The following AGBL1 variants were observed in gnomAD, a reference collection of about 807,000 sequenced individuals.
AGBL1 encodes the protein cytosolic carboxypeptidase 4.
Under a neutral mutation model 118.9 loss-of-function variants are expected in AGBL1, and 130 were observed. The observed-to-expected ratio is 1.09, with a 90% CI of 0.95 to 1.26. AGBL1 has a LOEUF of 1.26. Ranked by LOEUF, AGBL1 falls within the 50% of genes most tolerant of loss-of-function variation. The pLI is 0.00. For synonymous variants in AGBL1, 555 were observed against 478.9 expected (o/e 1.16, Z -2.08); for missense variants, 1,584 against 1,298.1 (o/e 1.22, Z -3.38).
chr15:86,318,696 ATTTTT>A (rs57988335), intron 17 of AGBL1, among the ~76,000 whole-genome samples: 36 of 81,980 alleles, frequency 4.4e-4, no homozygotes, highest in South Asian at 1.5e-3. Flanking sequence ...TTGATCATAG[ATTTTT>A]TTTTTTTTTT....
chr15:86,131,111 G>T (rs1319952324), intron 1 of AGBL1, among the ~76,000 whole-genome samples: 2 of 152,308 alleles, frequency 1.3e-5, no homozygotes, highest in South Asian at 2.1e-4. Context: ...ATGGTAGTCA[G>T]TCCTCTTACA....
intron 18 of AGBL1, among the ~76,000 whole-genome samples, chr15:86,403,998 C>A (rs2081486740): frequency 6.6e-6 from 1 of 152,162 alleles, no homozygotes; most frequent in Admixed American, 6.5e-5. Flanking sequence ...ACACACACAT[C>A]CATGCCCAAG....
chr15:86,452,727 T>TCCTGCTGC (rs1462577173), intron 18 of AGBL1, among the ~76,000 whole-genome samples: 1 of 152,156 alleles, frequency 6.6e-6, no homozygotes, highest in Non-Finnish European at 1.5e-5. Flanking sequence ...TAAGACGTGA[T>TCCTGCTGC]CCTGCTGCCC....
intron 20 of AGBL1, 71 bp downstream of exon 20, chr15:86,546,204 C>T (rs771035137): frequency 8.5e-6 from 12 of 1,418,554 alleles, no homozygotes; most frequent in South Asian, 3.4e-5. Context: ...TAAGACCATG[C>T]CCCACTCATT....
Position 86,262,078 on chromosome 15 carries a change from C to CTTTTTTTTTTTTTTTTTTTT in AGBL1, c.970-684_970-683insTTTTTTTTTTTTTTTTTTTT, listed in dbSNP as rs61365024. On this transcript the variant is annotated intron_variant, in intron 9 of 22. Transcript: ENST00000614907. ...CACTGCTAGGCCTATGCATAGCTGG[C>CTTTTTTTTTTTTTTTTTTTT]TTTTTTTTTTTTTTTTGCCATTTAG... Among the ~76,000 whole-genome samples the CTTTTTTTTTTTTTTTTTTTT allele has an allele frequency of 5.0e-3, 264 of 52,752 alleles. 71 individuals are homozygous for CTTTTTTTTTTTTTTTTTTTT. The highest frequency in any genetic ancestry group is 0.021 in the South Asian group (13 of 612). 34.6% of individuals were successfully genotyped at this position (52,752 alleles called of 152,430 possible).
At chr15:86,522,980 C>T in intron 19 of AGBL1, 41 bp downstream of exon 19, 1 of 1,593,066 alleles carries the variant, frequency 6.3e-7, no homozygotes, top group African/African-American at 1.3e-5. Context: ...TGGCTGCTTC[C>T]TTCTACCTTC....
intron 21 of AGBL1, among the ~76,000 whole-genome samples, chr15:86,612,480 C>G (rs374412234): frequency 2.0e-5 from 3 of 152,046 alleles, no homozygotes; most frequent in Admixed American, 1.3e-4. Flanking sequence ...TCATCACACC[C>G]TCCTCCCTTC....
chr15:86,248,366 AT>A (rs920167062), intron 7 of AGBL1, among the ~76,000 whole-genome samples: 51 of 152,332 alleles, frequency 3.3e-4, no homozygotes, highest in African/African-American at 1.2e-3. Flanking sequence ...TGGTTCATTC[AT>A]ATATACTTAA....
chr15:86,279,684 G>A lies in AGBL1; in HGVS notation c.2121G>A (p.Gly707=), dbSNP rs1026885974. ...QSTAVAGGAS[G]KCYYTLTFAV... ...CAGCTGTTGCAGGCGGAGCATCTGGGAAGTGCTACTATACCCTCACCTTTG... is the reference window on the plus strand; with the variant it reads ...CAGCTGTTGCAGGCGGAGCATCTGGAAAGTGCTACTATACCCTCACCTTTG... Residue 707 remains glycine (G), a synonymous_variant, in exon 16 of 23, where the codon GGG becomes GGA. Transcript: ENST00000614907. The A allele has an allele frequency of 4.3e-6, 7 of 1,613,376 alleles. No homozygotes were observed. The highest frequency in any genetic ancestry group is 5.1e-6 in the Non-Finnish European group (6 of 1,179,524).
At chr15:86,634,098 T>C (rs2085036031) in intron 21 of AGBL1, among the ~76,000 whole-genome samples, 1 of 152,010 alleles carries the variant, frequency 6.6e-6, no homozygotes, top group South Asian at 2.1e-4. Flanking sequence ...ATTGGAGCCC[T>C]CATACTCTGA....
At chr15:86,204,327 T>C (rs2141865130) in intron 5 of AGBL1, among the ~76,000 whole-genome samples, 1 of 152,264 alleles carries the variant, frequency 6.6e-6, no homozygotes, top group Admixed American at 6.5e-5. Context: ...TTTTACTCAG[T>C]ATTATTTTTA....
At chr15:86,904,735 G>C (rs1361314601) in intron 22 of AGBL1, among the ~76,000 whole-genome samples, 1 of 150,094 alleles carries the variant, frequency 6.7e-6, no homozygotes, top group Non-Finnish European at 1.5e-5. Flanking sequence ...AAAATTCACA[G>C]ACATGATAAT....
chr15:86,864,804 A>C (rs538355186), intron 22 of AGBL1, among the ~76,000 whole-genome samples: 2 of 152,346 alleles, frequency 1.3e-5, no homozygotes, highest in South Asian at 4.1e-4. Context: ...TCAACGGTGC[A>C]GCAAGTCGCC....
At chr15:86,823,737 C>A (rs995551483) in intron 22 of AGBL1, among the ~76,000 whole-genome samples, 3 of 152,002 alleles carry the variant, frequency 2.0e-5, no homozygotes, top group African/African-American at 7.2e-5. Flanking sequence ...GAGAAATCAC[C>A]TGAGAATCTG....
At position 86,613,251 on chromosome 15, in the gene AGBL1, T is replaced by C. The variant is rs959178805; in HGVS notation, c.2994+58714T>C. 6.6e-6 allele frequency among the ~76,000 whole-genome samples: 1 copy of C among 152,188 alleles called. No individual in the cohort carries two copies. On this transcript the variant is annotated intron_variant, in intron 21 of 22. Coordinates refer to ENST00000614907, the MANE Select transcript of AGBL1 (RefSeq NM_001386094.1). This position sits in a 1 kb window ranked among gnomAD's most constrained non-coding sequence, Gnocchi z 4.2. ...AGCAGGAATCGGAGCGAGAGGTTTG[T>C]TGGTTTTGGAACGTAAGATCCCAAA...
At chr15:86,479,161 C>T (rs1199796752) in intron 18 of AGBL1, among the ~76,000 whole-genome samples, 1 of 152,176 alleles carries the variant, frequency 6.6e-6, no homozygotes, top group Non-Finnish European at 1.5e-5. Flanking sequence ...CCATTCAGGA[C>T]ATAGGCATGG....
chr15:86,961,174 G>A (rs533677076), intron 23 of AGBL1, among the ~76,000 whole-genome samples: 19 of 152,034 alleles, frequency 1.2e-4, no homozygotes, highest in South Asian at 8.3e-4. Flanking sequence ...TTCACAATAC[G>A]TATGTGTTAT....
At chr15:86,924,559 A>C (rs1014860804) in intron 23 of AGBL1, among the ~76,000 whole-genome samples, 1 of 152,182 alleles carries the variant, frequency 6.6e-6, no homozygotes, top group African/African-American at 2.4e-5. Flanking sequence ...CCAGGTTCTC[A>C]GCTTATTCTC....
chr15:86,378,433 G>A (rs1187317730), intron 17 of AGBL1, among the ~76,000 whole-genome samples: 4 of 151,972 alleles, frequency 2.6e-5, no homozygotes, highest in Admixed American at 2.6e-4. Flanking sequence ...GTCTCCAGGG[G>A]CCAGTCTTCT....
Sources: allele counts gnomAD v4.1 joint callset (sites outside exome capture counted in the v4.1 genomes callset), GRCh38; gene constraint gnomAD v4.1.1; non-coding constraint Gnocchi (gnomAD v3.1); transcripts MANE v1.5; gene names NCBI Gene and HGNC (gene_info 2026-07-23, HGNC 2026-07-21).